The following ZNF616 variants were observed in gnomAD, a reference collection of about 807,000 sequenced individuals.
ZNF616 encodes zinc finger protein 616.
In ZNF616, 5 loss-of-function variants were observed where a neutral mutation model predicts 7.6. The ratio of observed to expected loss-of-function variants is 0.66; its 90% confidence interval spans 0.34 to 1.38. ZNF616 has a LOEUF of 1.38. ZNF616 is among the 40% of genes most tolerant of loss of function. The pLI, the probability that ZNF616 is intolerant of heterozygous loss-of-function variation, is 0.04. For missense variants in ZNF616, 913 were observed against 948.3 expected (o/e 0.96, Z 0.49); for synonymous variants, 319 against 317.2 (o/e 1.01, Z -0.06).
intron 1 of ZNF616, among the ~76,000 whole-genome samples, chr19:52,134,219 A>C (rs925365852): frequency 6.6e-6 from 1 of 152,236 alleles, no homozygotes; most frequent in African/African-American, 2.4e-5. Context: ...CAAGAACAGG[A>C]GTTAAAAAAT....
intron 3 of ZNF616, among the ~76,000 whole-genome samples, chr19:52,118,572 G>A (rs2088843838): frequency 6.6e-6 from 1 of 152,182 alleles, no homozygotes; most frequent in Non-Finnish European, 1.5e-5. Context: ...GCCATGCCAA[G>A]AACCAAAATG....
intron 1 of ZNF616, 145 bp from the exon 2 acceptor site, chr19:52,130,733 A>G: frequency 9.6e-6 from 6 of 626,170 alleles, no homozygotes; most frequent in Non-Finnish European, 1.7e-5. Flanking sequence ...ATTCCTACAC[A>G]AAGACCAAGT....
At position 52,115,020 on chromosome 19, in the gene ZNF616, T is replaced by G; in HGVS notation, c.2144A>C (p.Lys715Thr). 6.2e-7 allele frequency: 1 copy of G among 1,614,202 alleles called. No homozygotes were observed. The highest frequency in any genetic ancestry group is 1.3e-5 in the African/African-American group (1 of 75,052). ...GCCACATTCAATACATTTGTATCTT[T>G]TCTCTCCAGTGTGGATTCTCTGGTG... is the stretch of plus-strand genomic sequence containing the variant. Reference protein sequence around the residue: ...VSHQRIHTGEKRYKCIECGKA... With the variant: ...VSHQRIHTGETRYKCIECGKA... Residue 715 changes from lysine to threonine, a missense_variant, in exon 4 of 4, where the codon AAA (lysine) becomes ACA (threonine). Coordinates refer to ENST00000600228, the MANE Select transcript of ZNF616 (RefSeq NM_178523.5).
chr19:52,124,271 C>T (rs1171691160), intron 2 of ZNF616, among the ~76,000 whole-genome samples: 2 of 152,052 alleles, frequency 1.3e-5, no homozygotes, highest in African/African-American at 4.8e-5. Flanking sequence ...GTGGACAATA[C>T]AAGAAATACA....
In ZNF616 at chr19:52,116,628, T is replaced by G. The variant is rs1019945051; in HGVS notation, c.536A>C (p.His179Pro). The change falls in exon 4 of 4, where the codon CAC becomes CCC. Residue 179 changes from histidine (H) to proline (P), a missense_variant. His to Pro is a moderately conservative substitution (Grantham distance 77). Transcript: ENST00000600228. ...ACATACATACGTTTTTTCCCTAATG[T>G]GTGGAGAAACTAAACAACCATTATT... ...TGNNGCLVSP[H>P]IREKTYVCNE... is the part of the protein sequence containing the mutation. 6.2e-7 allele frequency: 1 copy of G among 1,614,092 alleles called. No homozygotes were observed. The highest frequency in any genetic ancestry group is 8.5e-7 in the Non-Finnish European group (1 of 1,179,974).
intron 1 of ZNF616, among the ~76,000 whole-genome samples, chr19:52,131,054 G>A (rs1172879186): frequency 6.6e-6 from 1 of 152,082 alleles, no homozygotes; most frequent in Non-Finnish European, 1.5e-5. Context: ...GGATACCTGA[G>A]GTCAGGAATT....
At chr19:52,123,056 A>G (rs184287932) in intron 3 of ZNF616, among the ~76,000 whole-genome samples, 80 of 152,368 alleles carry the variant, frequency 5.3e-4, no homozygotes, top group African/African-American at 1.9e-3. Context: ...CTCCTGAGCT[A>G]TACCATCTGT....
intron 3 of ZNF616, among the ~76,000 whole-genome samples, chr19:52,123,370 CCAAGCGTACTGGCT>C (rs1004612594): frequency 1.1e-4 from 16 of 151,954 alleles, no homozygotes; most frequent in African/African-American, 3.1e-4. Flanking sequence ...CAGGGATAGG[CCAAGCGTACTGGCT>C]CAAGCCTATA....
Position 52,115,218 on chromosome 19 carries a change from C to A in ZNF616, c.1946G>T (p.Arg649Ile), listed in dbSNP as rs45622033. ...GNSFSQRVHL[R>I]LHQTVHTGDR... ...TCCAGTATGAACAGTCTGATGAAGT[C>A]TAAGATGGACACGCTGACTAAAGGA... Residue 649 changes from arginine to isoleucine, a missense_variant, in exon 4 of 4, where the codon AGA (arginine) becomes ATA (isoleucine). Physicochemically the swap from Arg to Ile is moderately conservative, Grantham distance 97. Transcript: ENST00000600228. 1 of 1,614,158 alleles carries A rather than the reference C, an allele frequency of 6.2e-7. No individual in the cohort carries two copies. The highest frequency in any genetic ancestry group is 1.1e-5 in the South Asian group (1 of 91,084).
intron 1 of ZNF616, among the ~76,000 whole-genome samples, chr19:52,138,254 T>TA (rs2089030230): frequency 6.6e-6 from 1 of 152,218 alleles, no homozygotes; most frequent in Non-Finnish European, 1.5e-5. Context: ...AAAGAAGAGT[T>TA]ACAAAATGAC....
chr19:52,132,760 T>G (rs973472234), intron 1 of ZNF616, among the ~76,000 whole-genome samples: 14 of 152,200 alleles, frequency 9.2e-5, no homozygotes, highest in African/African-American at 2.7e-4. Flanking sequence ...GTGAGCCAAT[T>G]AAACCTGTTT....
chr19:52,128,669 G>C (rs1469728104), intron 2 of ZNF616, among the ~76,000 whole-genome samples: 1 of 151,468 alleles, frequency 6.6e-6, no homozygotes, highest in Admixed American at 6.6e-5. Flanking sequence ...TTGAACCTGG[G>C]AGGCGGAGGC....
chr19:52,137,496 A>T (rs780676224), intron 1 of ZNF616, among the ~76,000 whole-genome samples: 1 of 152,194 alleles, frequency 6.6e-6, no homozygotes, highest in Non-Finnish European at 1.5e-5. Flanking sequence ...AATCTGGAGG[A>T]CATTATGCTG....
chr19:52,126,898 C>T (rs1210575782), intron 2 of ZNF616, among the ~76,000 whole-genome samples: 1 of 152,094 alleles, frequency 6.6e-6, no homozygotes, highest in Non-Finnish European at 1.5e-5. Flanking sequence ...ATATATCTAA[C>T]ATTACTGAAC....
At chr19:52,122,856 G>A (rs1252791786) in intron 3 of ZNF616, among the ~76,000 whole-genome samples, 3 of 151,890 alleles carry the variant, frequency 2.0e-5, no homozygotes, top group Admixed American at 6.6e-5. Context: ...GGATGGTCTC[G>A]ATCTCCTGAC....
rs1217822837 is a variant in ZNF616, at chr19:52,114,164, A to G, written c.*654T>C. On this transcript the variant is annotated 3_prime_UTR_variant, in exon 4 of 4. Transcript: ENST00000600228. ...TTTTGCCACCCTCATTTCATTTCAT[A>G]CATCTATGCCCTTTTAATTACCTAG... The G allele has an allele frequency of 6.6e-6, 1 of 152,130 alleles. No homozygotes were observed. Among genetic ancestry groups the G allele is most frequent in the African/African-American group, 2.4e-5 (1 of 41,418 alleles). 9.4% of individuals were successfully genotyped at this position (152,130 alleles called of 1,614,324 possible). A position where few individuals can be genotyped will look rare whatever the true frequency, so the allele number is the denominator to read the frequency against.
intron 3 of ZNF616, among the ~76,000 whole-genome samples, chr19:52,119,736 T>C (rs1472043050): frequency 6.6e-6 from 1 of 152,208 alleles, no homozygotes; most frequent in Non-Finnish European, 1.5e-5. Flanking sequence ...ACGTGAATTA[T>C]ACTATGGGCA....
In ZNF616 at chr19:52,113,985, T is replaced by C. The variant is rs1245961117; in HGVS notation, c.*833A>G. Reference sequence around the variant, plus strand: ...TGATGTTCGGGTAAAAACCTTAGCATGCACATTACATTTCTGTGGTTCCTC... The same window carrying C: ...TGATGTTCGGGTAAAAACCTTAGCACGCACATTACATTTCTGTGGTTCCTC... On this transcript the variant is annotated 3_prime_UTR_variant, in exon 4 of 4. Transcript: ENST00000600228. The C allele has an allele frequency of 6.6e-6, 1 of 152,224 alleles. No homozygotes were observed. The highest frequency in any genetic ancestry group is 2.4e-5 in the African/African-American group (1 of 41,460). 9.4% of individuals were successfully genotyped at this position (152,224 alleles called of 1,614,324 possible).
In ZNF616 at chr19:52,116,900, C is replaced by T. The variant is rs141852806; in HGVS notation, c.264G>A (p.Arg88=). 2.0e-4 allele frequency: 328 copies of T among 1,613,802 alleles called. 2 individuals are homozygous for T. The South Asian group carries it at 3.2e-3, about 16-fold the overall frequency. Reference sequence around the variant, plus strand: ...GGTCATGTAGATGTTTCTGTATTTCCCTGAAGTATAAATTTTCAATATCAT... The same window carrying T: ...GGTCATGTAGATGTTTCTGTATTTCTCTGAAGTATAAATTTTCAATATCAT... The part of the protein sequence containing the change: ...QSYDIENLYF[R]EIQKHLHDLE... Residue 88 remains arginine (R), a synonymous_variant, in exon 4 of 4, where the codon AGG becomes AGA. Coordinates refer to ENST00000600228, the MANE Select transcript of ZNF616 (RefSeq NM_178523.5).
Sources: gnomAD v4.1 joint callset for allele counts (sites outside exome capture counted in the v4.1 genomes callset) on GRCh38, gnomAD v4.1.1 for gene constraint, MANE v1.5 for transcripts, NCBI Gene and HGNC (gene_info 2026-07-23, HGNC 2026-07-21) for gene names.